Variants in CBFA2T3 observed in about 807,000 individuals in gnomAD.
The protein encoded by CBFA2T3 is transcriptional corepressor CBFA2T3.
In CBFA2T3, 31 loss-of-function variants were observed where a neutral mutation model predicts 58.6. That is an observed-to-expected ratio of 0.53 (90% CI 0.40 to 0.71). CBFA2T3 has a LOEUF of 0.71. Ranked by LOEUF, CBFA2T3 falls within the 30% of genes least tolerant of loss-of-function variation. CBFA2T3 has a pLI of 0.00. For synonymous variants in CBFA2T3, 531 were observed against 421.9 expected, an observed-to-expected ratio of 1.26 and a Z score of -3.17; for missense variants, 1,076 against 963.1, an observed-to-expected ratio of 1.12 and a Z score of -1.55.
intron 9 of CBFA2T3, 178 bp from the exon 10 acceptor site, chr16:88,880,966 G>T: frequency 1.5e-6 from 1 of 673,742 alleles, no homozygotes; most frequent in Admixed American, 2.2e-5. Context: ...GCCCGGGCAC[G>T]GGGGGCATTG....
At chr16:88,923,293 AGAG>A (rs1970981021) in intron 1 of CBFA2T3, among the ~76,000 whole-genome samples, 1 of 152,104 alleles carries the variant, frequency 6.6e-6, no homozygotes, top group African/African-American at 2.4e-5. Flanking sequence ...CTCATCGCAC[AGAG>A]GAGGTGAGGA....
intron 2 of CBFA2T3, among the ~76,000 whole-genome samples, chr16:88,898,862 T>C (rs1311928371): frequency 1.3e-5 from 2 of 152,032 alleles, no homozygotes; most frequent in East Asian, 1.9e-4. Context: ...AACTCTACTA[T>C]ATAAAAAAAG....
At chr16:88,910,124 T>C (rs1970482433) in intron 1 of CBFA2T3, among the ~76,000 whole-genome samples, 2 of 152,256 alleles carry the variant, frequency 1.3e-5, no homozygotes, top group South Asian at 4.1e-4. Flanking sequence ...CACACCCGCC[T>C]GTGCTGTGCC....
intron 5 of CBFA2T3, among the ~76,000 whole-genome samples, chr16:88,889,063 T>C (rs1969516156): frequency 6.6e-6 from 1 of 151,620 alleles, no homozygotes; most frequent in South Asian, 2.1e-4. Flanking sequence ...TAAGCAAGGG[T>C]GGCTGAGGCT....
rs925061570 is a variant in CBFA2T3 at position 88,958,538 on chromosome 16, G to A, written c.151+18119C>T. Among the ~76,000 whole-genome samples, 2 of 152,232 alleles carry A rather than the reference G, an allele frequency of 1.3e-5. No homozygotes were observed. Among genetic ancestry groups the A allele is most frequent in the Admixed American group, 6.5e-5 (1 of 15,288 alleles). On this transcript the variant is annotated intron_variant, in intron 1 of 11. Transcript: ENST00000268679. This position sits in a 1 kb window ranked among gnomAD's most constrained non-coding sequence, Gnocchi z 4.0. ...CCACATCCCTGGGCATCACACGCGTGTCGTCTGGAGCAGAAGCTGGTGGAG... is the reference window on the plus strand; with the variant it reads ...CCACATCCCTGGGCATCACACGCGTATCGTCTGGAGCAGAAGCTGGTGGAG...
At chr16:88,879,160 T>C in intron 11 of CBFA2T3, 110 bp downstream of exon 11, 1 of 942,348 alleles carries the variant, frequency 1.1e-6, no homozygotes, top group Middle Eastern at 3.4e-4. Context: ...AGGATGCCCG[T>C]GACAACTGTG....
At position 88,913,829 on chromosome 16, in the gene CBFA2T3, A is replaced by C. The variant is rs575457737; in HGVS notation, c.152-12173T>G. ...TATCTACTCGACACAAAACTAAGGA[A>C]CCTGAAAATCACACCGTGGCCACCT... On this transcript the variant is annotated intron_variant, in intron 1 of 11. Transcript: ENST00000268679. Among the ~76,000 whole-genome samples, 187 of 152,158 alleles carry C rather than the reference A, an allele frequency of 1.2e-3. 1 individual carries two copies. The highest frequency in any genetic ancestry group is 2.3e-3 in the Non-Finnish European group (155 of 68,016).
chr16:88,924,281 C>G, intron 1 of CBFA2T3, among the ~76,000 whole-genome samples: 1 of 152,216 alleles, frequency 6.6e-6, no homozygotes, highest in South Asian at 2.1e-4. Context: ...AACGGCTGTG[C>G]TGACGTGGGG....
intron 1 of CBFA2T3, among the ~76,000 whole-genome samples, chr16:88,969,110 C>T (rs1189146074): frequency 6.6e-6 from 1 of 152,248 alleles, no homozygotes; most frequent in Non-Finnish European, 1.5e-5. Context: ...GCTGGCTCCA[C>T]CGGCTCTGGG....
intron 1 of CBFA2T3, among the ~76,000 whole-genome samples, chr16:88,952,655 C>G (rs1381230957): frequency 2.0e-5 from 3 of 152,304 alleles, no homozygotes; most frequent in South Asian, 4.1e-4. Context: ...AACATTCTGC[C>G]CACAAACTCC....
intron 5 of CBFA2T3, among the ~76,000 whole-genome samples, chr16:88,888,489 G>A (rs1356776271): frequency 5.0e-4 from 3 of 5,984 alleles, no homozygotes; most frequent in African/African-American, 4.9e-4. Context: ...GGGGGGGTGC[G>A]GGTGGGGTTG....
intron 1 of CBFA2T3, among the ~76,000 whole-genome samples, chr16:88,952,291 C>T (rs952333621): frequency 2.6e-5 from 4 of 152,296 alleles, no homozygotes; most frequent in East Asian, 3.9e-4. Context: ...TGCCAGGCCA[C>T]GGGGTGAGGG....
rs1432500326 is a variant in CBFA2T3, at chr16:88,967,247, C to T, written c.151+9410G>A. On this transcript the variant is annotated intron_variant, in intron 1 of 11. Transcript: ENST00000268679. ...CAGCCCCCGAGGTGCCACTCGGCCCCGACACGAGGCAGCACCATGCTCAAT... is the reference window on the plus strand; with the variant it reads ...CAGCCCCCGAGGTGCCACTCGGCCCTGACACGAGGCAGCACCATGCTCAAT... 3.4e-5 allele frequency among the ~76,000 whole-genome samples: 5 copies of T among 148,048 alleles called. No homozygotes were observed. The East Asian group carries it at 5.8e-4, about 17-fold the overall frequency.
chr16:88,919,955 G>A (rs1002525377), intron 1 of CBFA2T3, among the ~76,000 whole-genome samples: 1 of 152,258 alleles, frequency 6.6e-6, no homozygotes, highest in Non-Finnish European at 1.5e-5. Flanking sequence ...GAATTAAAGC[G>A]ATTTACAAGT....
chr16:88,878,677 G>A (rs1008531285), intron 11 of CBFA2T3, among the ~76,000 whole-genome samples: 9 of 152,336 alleles, frequency 5.9e-5, no homozygotes, highest in East Asian at 3.9e-4. Flanking sequence ...CAGGCACAGC[G>A]GCTCGCTTCT....
At chr16:88,962,641 AC>A (rs1292560206) in intron 1 of CBFA2T3, among the ~76,000 whole-genome samples, 1 of 152,198 alleles carries the variant, frequency 6.6e-6, no homozygotes, top group Non-Finnish European at 1.5e-5. Flanking sequence ...CCCCTGGACC[AC>A]GTTTCGGGGG....
At chr16:88,910,896 C>T (rs1199794648) in intron 1 of CBFA2T3, among the ~76,000 whole-genome samples, 2 of 152,238 alleles carry the variant, frequency 1.3e-5, no homozygotes, top group Non-Finnish European at 2.9e-5. Flanking sequence ...CCCCAGCCCC[C>T]AGCCTCCAGG....
At chr16:88,892,541 G>T (rs1231196439) in intron 3 of CBFA2T3, 56 bp from the exon 4 acceptor site, 2 of 1,597,590 alleles carry the variant, frequency 1.3e-6, no homozygotes, top group Non-Finnish European at 1.7e-6. Context: ...ACACAACCCA[G>T]ACGGCGGCGA....
chr16:88,878,026 C>T (rs1051605309), intron 11 of CBFA2T3, among the ~76,000 whole-genome samples: 5 of 152,250 alleles, frequency 3.3e-5, no homozygotes, highest in East Asian at 1.9e-4. Flanking sequence ...AGCTTCCCTG[C>T]GGACTAGGCA....
Sources: gnomAD v4.1 joint callset for allele counts (sites outside exome capture counted in the v4.1 genomes callset) on GRCh38, gnomAD v4.1.1 for gene constraint, Gnocchi (gnomAD v3.1) non-coding constraint, MANE v1.5 for transcripts, NCBI Gene and HGNC (gene_info 2026-07-23, HGNC 2026-07-21) for gene names.